CEP192: variants seen among roughly 807,000 people sequenced by gnomAD.
The protein encoded by CEP192 is centrosomal protein of 192 kDa.
In CEP192, 151 loss-of-function variants were observed where a neutral mutation model predicts 271.8. The observed-to-expected ratio is 0.56, with a 90% CI of 0.49 to 0.64. CEP192 has a LOEUF of 0.64. CEP192 is among the 30% of genes least tolerant of loss of function. CEP192 has a pLI of 0.00. For missense variants in CEP192, 2,910 were observed against 3,020.5 expected (o/e 0.96, Z 0.86); for synonymous variants, 995 against 1,076.5 (o/e 0.92, Z 1.48).
intron 42 of CEP192, among the ~76,000 whole-genome samples, chr18:13,116,172 G>T (rs1228548531): frequency 6.6e-6 from 1 of 152,152 alleles, no homozygotes; most frequent in Admixed American, 6.5e-5. Context: ...GGAGAGTGAG[G>T]CCTATCCAGC....
At chr18:13,046,155 G>T (rs1169363555) in intron 15 of CEP192, among the ~76,000 whole-genome samples, 1 of 152,164 alleles carries the variant, frequency 6.6e-6, no homozygotes, top group Non-Finnish European at 1.5e-5. Flanking sequence ...TTGCAATCAT[G>T]GCAGAAGGCG....
At chr18:13,111,792 A>G (rs1378146730) in intron 40 of CEP192, among the ~76,000 whole-genome samples, 6 of 152,224 alleles carry the variant, frequency 3.9e-5, no homozygotes, top group Non-Finnish European at 8.8e-5. Context: ...AAATGGCCCA[A>G]TTTTTTAAGT....
intron 1 of CEP192, among the ~76,000 whole-genome samples, chr18:12,997,967 C>T (rs528676895): frequency 1.5e-4 from 23 of 152,260 alleles, no homozygotes; most frequent in Admixed American, 1.0e-3. Context: ...TCAAGTGATT[C>T]GCCTGCCTCA....
intron 35 of CEP192, 137 bp from the exon 36 acceptor site, chr18:13,096,047 A>G (rs1281608668): frequency 4.9e-5 from 43 of 883,120 alleles, no homozygotes; most frequent in Non-Finnish European, 6.7e-5. Flanking sequence ...AAGGATTGGA[A>G]ATTTCTGTAA....
chr18:13,092,954 A>T (rs1394331963), intron 34 of CEP192, among the ~76,000 whole-genome samples: 1 of 152,098 alleles, frequency 6.6e-6, no homozygotes, highest in East Asian at 1.9e-4. Context: ...GGAGATCGAG[A>T]TCATCCTGGC....
At chr18:13,018,222 C>T (rs2034774130) in intron 7 of CEP192, among the ~76,000 whole-genome samples, 1 of 152,206 alleles carries the variant, frequency 6.6e-6, no homozygotes, top group East Asian at 1.9e-4. Flanking sequence ...TAGCTTTTCC[C>T]CTTCGTTATT....
chr18:13,113,149 C>G (rs1299721653), intron 40 of CEP192, among the ~76,000 whole-genome samples: 3 of 152,124 alleles, frequency 2.0e-5, no homozygotes, highest in African/African-American at 4.8e-5. Flanking sequence ...GTAGCCGCCG[C>G]CCCCCTCACT....
chr18:13,067,244 T>C (rs1306024872), intron 21 of CEP192, among the ~76,000 whole-genome samples: 4 of 152,212 alleles, frequency 2.6e-5, no homozygotes, highest in South Asian at 2.1e-4. Flanking sequence ...GCCTAGGCTA[T>C]ATGCAAATAC....
intron 27 of CEP192, among the ~76,000 whole-genome samples, 160 bp downstream of exon 27, chr18:13,070,016 C>T (rs761216525): frequency 1.1e-4 from 16 of 152,030 alleles, no homozygotes; most frequent in Middle Eastern, 3.2e-3. Context: ...CAAAAATTAG[C>T]AGGGCTTGGT....
Position 13,068,139 on chromosome 18 carries a change from C to G in CEP192, c.4660C>G (p.Arg1554Gly). ...TTTCACGTTTTCCAAGGAATCCGTC[C>G]GAGCTCCTGTGGAAGTTGCTCCTTG... ...RCFTFSKESV[R>G]APVEVAPCAD... Residue 1554 changes from arginine to glycine, a missense_variant, in exon 23 of 45, where the codon CGA (arginine) becomes GGA (glycine). Transcript: ENST00000506447. 6.2e-7 allele frequency: 1 copy of G among 1,614,180 alleles called. No individual in the cohort carries two copies. The highest frequency in any genetic ancestry group is 1.6e-4 in the Middle Eastern group (1 of 6,062).
chr18:13,099,692 G>T (rs750971781), intron 37 of CEP192, 111 bp downstream of exon 37: 9 of 595,248 alleles, frequency 1.5e-5, no homozygotes, highest in South Asian at 2.6e-5. Flanking sequence ...AAGCGTACTT[G>T]ACCCTTCATA....
At chr18:13,048,792 T>C in intron 15 of CEP192, 67 bp from the exon 16 acceptor site, 1 of 1,064,678 alleles carries the variant, frequency 9.4e-7, no homozygotes. Flanking sequence ...CCAATGATAA[T>C]GGGGGACTAA....
intron 7 of CEP192, among the ~76,000 whole-genome samples, chr18:13,018,136 T>C (rs1297349457): frequency 6.6e-6 from 1 of 152,234 alleles, no homozygotes; most frequent in African/African-American, 2.4e-5. Context: ...GAGACGTTTA[T>C]CTCTCCCACA....
intron 36 of CEP192, among the ~76,000 whole-genome samples, chr18:13,098,569 A>G (rs1464469210): frequency 6.7e-6 from 1 of 148,808 alleles, no homozygotes; most frequent in Non-Finnish European, 1.5e-5. Flanking sequence ...CGCTCCCCAC[A>G]TCTCAGACGA....
At chr18:13,050,061 C>CT (rs66693904) in intron 17 of CEP192, among the ~76,000 whole-genome samples, 170 bp downstream of exon 17, 5,467 of 148,188 alleles carry the variant, frequency 0.037, 280 homozygotes, top group African/African-American at 0.12. Context: ...TTGTATATTG[C>CT]TTTTTTTTTT....
intron 10 of CEP192, 59 bp downstream of exon 10, chr18:13,030,061 G>A (rs556589449): frequency 9.6e-5 from 121 of 1,259,624 alleles, no homozygotes; most frequent in Middle Eastern, 4.1e-4. Flanking sequence ...ATTTTGAATA[G>A]GACATATTTT....
At chr18:13,046,424 G>C (rs1181265820) in intron 15 of CEP192, among the ~76,000 whole-genome samples, 1 of 152,166 alleles carries the variant, frequency 6.6e-6, no homozygotes, top group African/African-American at 2.4e-5. Context: ...CAGCATGGGG[G>C]TTTGAATCTG....
rs2036023727 is a variant in CEP192, at chr18:13,038,388, C to T, written c.1618C>T (p.His540Tyr). The change falls in exon 13 of 45, where the codon CAT (histidine) becomes TAT (tyrosine). Residue 540 changes from histidine to tyrosine, a missense_variant. By Grantham distance (83) the His-to-Tyr change is moderately conservative. Transcript: ENST00000506447. ...QFIQEENIDA[H>Y]NTSVALGDTS... is the part of the protein sequence containing the mutation. ...TCCCTAGGAAGAAAACATAGATGCT[C>T]ATAATACTTCGGTTGCACTGGGCGA... The T allele has an allele frequency of 1.9e-6, 3 of 1,551,278 alleles. No homozygotes were observed. Among genetic ancestry groups the T allele is most frequent in the African/African-American group, 1.4e-5 (1 of 73,030 alleles).
intron 40 of CEP192, among the ~76,000 whole-genome samples, chr18:13,108,604 A>G (rs1235934953): frequency 6.6e-6 from 1 of 152,246 alleles, no homozygotes; most frequent in African/African-American, 2.4e-5. Context: ...GCAATGAGAT[A>G]CCATCTCACA....
Sources: gnomAD v4.1 joint callset for allele counts (sites outside exome capture counted in the v4.1 genomes callset) on GRCh38, gnomAD v4.1.1 for gene constraint, MANE v1.5 for transcripts, NCBI Gene and HGNC (gene_info 2026-07-23, HGNC 2026-07-21) for gene names.